Variants in NBN observed in about 807,000 individuals in gnomAD.
NBN encodes Nijmegen breakage syndrome 1 (nibrin).
A neutral mutation model predicts 90.8 loss-of-function variants in NBN; 88 were observed. The ratio of observed to expected loss-of-function variants is 0.97; its 90% confidence interval spans 0.82 to 1.16. The LOEUF (loss-of-function observed/expected upper bound fraction) is 1.16, where lower values mean the gene tolerates loss of function less well. Ranked by LOEUF, NBN falls within the 50% of genes most tolerant of loss-of-function variation. NBN has a pLI of 0.00. For missense variants in NBN, 894 were observed against 869.6 expected (o/e 1.03, Z -0.35); for synonymous variants, 328 against 295.1 (o/e 1.11, Z -1.14).
At chr8:89,942,590 A>C (rs1810000287) in intron 14 of NBN, among the ~76,000 whole-genome samples, 3 of 152,172 alleles carry the variant, frequency 2.0e-5, no homozygotes, top group Non-Finnish European at 4.4e-5. Context: ...AAAAACAGCA[A>C]GGAACAAGAA....
At chr8:89,962,151 A>C (rs1344631882) in intron 8 of NBN, among the ~76,000 whole-genome samples, 1 of 152,234 alleles carries the variant, frequency 6.6e-6, no homozygotes, top group Admixed American at 6.5e-5. Flanking sequence ...AGGAGCTTAA[A>C]AATCAAACAA....
intron 1 of NBN, among the ~76,000 whole-genome samples, chr8:89,983,668 G>A (rs1812181299): frequency 6.6e-6 from 1 of 152,184 alleles, no homozygotes; most frequent in Non-Finnish European, 1.5e-5. Flanking sequence ...TAAAATTGCT[G>A]TAAATCATAA....
At chr8:89,961,373 T>C (rs547887831) in intron 8 of NBN, among the ~76,000 whole-genome samples, 3 of 152,182 alleles carry the variant, frequency 2.0e-5, no homozygotes, top group African/African-American at 4.8e-5. Context: ...GAGCCTACAA[T>C]CTACTCAGTG....
At chr8:89,947,617 G>A (rs558002117) in intron 12 of NBN, among the ~76,000 whole-genome samples, 7 of 152,058 alleles carry the variant, frequency 4.6e-5, no homozygotes, top group East Asian at 3.9e-4. Flanking sequence ...CAACAAGAGC[G>A]AGATTCCGTC....
At chr8:89,964,357 T>C (rs1192631430) in intron 8 of NBN, 53 bp downstream of exon 8, 1 of 1,594,088 alleles carries the variant, frequency 6.3e-7, no homozygotes, top group African/African-American at 1.3e-5. Flanking sequence ...ATTTAGCTTA[T>C]CGATTTACAT....
chr8:89,973,154 G>C (rs1025366531), intron 5 of NBN, among the ~76,000 whole-genome samples: 1 of 152,188 alleles, frequency 6.6e-6, no homozygotes, highest in African/African-American at 2.4e-5. Flanking sequence ...GGCAGAAACT[G>C]TAACTTTTTT....
At chr8:89,971,103 G>A (rs780591137) in intron 6 of NBN, 70 bp downstream of exon 6, 1 of 1,490,936 alleles carries the variant, frequency 6.7e-7, no homozygotes, top group South Asian at 1.2e-5. Context: ...AACAACTACT[G>A]ATAAGAGTTA....
At position 89,953,273 on chromosome 8, in the gene NBN, CA is replaced by C; in HGVS notation, c.1815del (p.Asp605GlufsTer52). The C allele has an allele frequency of 6.2e-7, 1 of 1,612,516 alleles. No homozygotes were observed. The highest frequency in any genetic ancestry group is 8.5e-7 in the Non-Finnish European group (1 of 1,179,090). ...MDIETNDTFS[D>X]EAVPESSKIS... ...ATTTTGCTACTTTCTGGTACTGCTT[CA>C]TCACTGAAAGTGTCATTTGTTTCTA... On this transcript the variant is annotated frameshift_variant, in exon 11 of 16. Transcript: ENST00000265433. LOFTEE classifies it high-confidence loss of function.
intron 11 of NBN, among the ~76,000 whole-genome samples, chr8:89,952,825 T>C (rs1805812): frequency 0.07 from 10,676 of 152,192 alleles, 456 homozygotes; most frequent in East Asian, 0.14. Context: ...GTCATGAAAA[T>C]AGACAAGGAC....
chr8:89,955,146 A>G, intron 10 of NBN, 137 bp downstream of exon 10: 1 of 791,032 alleles, frequency 1.3e-6, no homozygotes, highest in Non-Finnish European at 2.1e-6. Flanking sequence ...GACATTTCTG[A>G]GAGGGAAAGC....
chr8:89,939,853 G>A lies in NBN; in HGVS notation c.2185-2778C>T, dbSNP rs145534986. 2.0e-5 allele frequency among the ~76,000 whole-genome samples: 3 copies of A among 152,252 alleles called. No homozygotes were observed. In the East Asian group the frequency reaches 5.8e-4, roughly 29 times the overall value. On this transcript the variant is annotated intron_variant, in intron 14 of 15. Transcript: ENST00000265433. ...TTAGGTAAACAACCTAATAATGCTAGGTTATTCTCTTTTATATAGGGCACA... is the reference window on the plus strand; with the variant it reads ...TTAGGTAAACAACCTAATAATGCTAAGTTATTCTCTTTTATATAGGGCACA...
At position 89,934,417 on chromosome 8, in the gene NBN, C is replaced by T. The variant is rs1190094221; in HGVS notation, c.*1165G>A. 2 of 233,132 alleles carry T rather than the reference C, an allele frequency of 8.6e-6. No homozygotes were observed. The highest frequency in any genetic ancestry group is 1.3e-3 in the Middle Eastern group (1 of 784). The allele number at this position is 233,132 out of a possible 1,614,324, so 14.4% of individuals were successfully genotyped here. A position where few individuals can be genotyped will look rare whatever the true frequency, so the allele number is the denominator to read the frequency against. On this transcript the variant is annotated 3_prime_UTR_variant, in exon 16 of 16. Coordinates refer to ENST00000265433, the MANE Select transcript of NBN (RefSeq NM_002485.5). ...TGAGAAGCTTTTAAAAAAAGACCTTCATTTCCCTAACTCCCTTGCAGCTGG... is the reference window on the plus strand; with the variant it reads ...TGAGAAGCTTTTAAAAAAAGACCTTTATTTCCCTAACTCCCTTGCAGCTGG...
At position 89,958,707 on chromosome 8, in the gene NBN, G is replaced by A. The variant is rs2234744; in HGVS notation, c.1124+18C>T. ...TTGATAGAATAATAACAATAGTACG[G>A]TAATGAAGAAGCTTTACCATGTATC... On this transcript the variant is annotated intron_variant, in intron 9 of 15. Transcript: ENST00000265433. The A allele has an allele frequency of 0.33, 532,376 of 1,609,156 alleles. 90,248 individuals carry two copies. The highest frequency in any genetic ancestry group is 0.48 in the East Asian group (21,328 of 44,836).
intron 5 of NBN, 114 bp downstream of exon 5, chr8:89,978,106 A>G (rs922274230): frequency 1.0e-6 from 1 of 964,768 alleles, no homozygotes; most frequent in East Asian, 2.7e-5. Flanking sequence ...ATACCGAACT[A>G]TAACACAGCA....
chr8:89,938,568 A>C (rs940124171), intron 14 of NBN, among the ~76,000 whole-genome samples: 11 of 152,080 alleles, frequency 7.2e-5, no homozygotes, highest in Admixed American at 2.0e-4. Flanking sequence ...GGTAACAGAG[A>C]CTTAGGTTAG....
In NBN at chr8:89,953,353, T is replaced by G. The variant is rs1278512307; in HGVS notation, c.1736A>C (p.Lys579Thr). ...DTKPELEIDVKVQKQEEDVNV... is the reference protein window; with the variant it reads ...DTKPELEIDVTVQKQEEDVNV... ...GACATCTTCCTCCTGTTTTTGAACT[T>G]TCACATCAATTTCTAACTCTGGTTT... The change falls in exon 11 of 16, where the codon AAA becomes ACA. Residue 579 changes from lysine to threonine, a missense_variant. Physicochemically the swap from Lys to Thr is moderately conservative, Grantham distance 78. Coordinates refer to ENST00000265433, the MANE Select transcript of NBN (RefSeq NM_002485.5). The G allele has an allele frequency of 6.2e-7, 1 of 1,613,612 alleles. No homozygotes were observed. Among genetic ancestry groups the G allele is most frequent in the Non-Finnish European group, 8.5e-7 (1 of 1,179,772 alleles).
intron 13 of NBN, among the ~76,000 whole-genome samples, chr8:89,943,896 T>G (rs1810066822): frequency 6.6e-6 from 1 of 152,210 alleles, no homozygotes; most frequent in South Asian, 2.1e-4. Context: ...AAATTCCATG[T>G]GAAAATGCCC....
intron 2 of NBN, chr8:89,982,054 T>C: frequency 1.4e-6 from 1 of 719,158 alleles, no homozygotes; most frequent in African/African-American, 1.9e-5. Flanking sequence ...TCATATCGCA[T>C]ATATGCAATC....
At chr8:89,937,155 G>A in intron 14 of NBN, 80 bp from the exon 15 acceptor site, 1 of 1,340,392 alleles carries the variant, frequency 7.5e-7, no homozygotes, top group Non-Finnish European at 1.1e-6. Flanking sequence ...ATAGGTCACT[G>A]TCATCTTAGA....
Sources: allele counts gnomAD v4.1 joint callset (sites outside exome capture counted in the v4.1 genomes callset), GRCh38; gene constraint gnomAD v4.1.1; transcripts MANE v1.5; gene names NCBI Gene and HGNC (gene_info 2026-07-23, HGNC 2026-07-21).